Variants in KIAA1755 observed in about 807,000 individuals in gnomAD.
The protein encoded by KIAA1755 is KIAA1755, also known as uncharacterized protein KIAA1755.
KIAA1755 carries 68 observed loss-of-function variants against 91.7 expected under a neutral mutation model. The observed-to-expected ratio is 0.74, with a 90% CI of 0.61 to 0.91. KIAA1755 has a LOEUF of 0.91. Ranked by LOEUF, KIAA1755 falls within the 40% of genes least tolerant of loss-of-function variation. The probability of loss-of-function intolerance (pLI) is 0.00; values close to 1 mark genes in which losing one functional copy is unlikely to be tolerated. For missense variants in KIAA1755, 1,535 were observed against 1,494.4 expected (o/e 1.03, Z -0.45); for synonymous variants, 610 against 604.6 (o/e 1.01, Z -0.13).
At chr20:38,257,597 A>C (rs941442681) in intron 1 of KIAA1755, among the ~76,000 whole-genome samples, 1 of 151,868 alleles carries the variant, frequency 6.6e-6, no homozygotes, top group African/African-American at 2.4e-5. Flanking sequence ...AAAAAAAAAA[A>C]AAAACCTGAA....
At chr20:38,242,104 C>A (rs1230778326) in intron 2 of KIAA1755, among the ~76,000 whole-genome samples, 175 bp from the exon 3 acceptor site, 1 of 152,226 alleles carries the variant, frequency 6.6e-6, no homozygotes, top group East Asian at 1.9e-4. Context: ...CTGCCCCACC[C>A]TCGTCCTGGC....
rs1474165040 is a variant in KIAA1755 at position 38,225,843 on chromosome 20, C to T, written c.2053-62G>A. ...AGTGAGGACAGTCATTTTAGAAGGT[C>T]CTGCCCAGATCCCTGCCCCAGCACC... On this transcript the variant is annotated intron_variant, in intron 7 of 13. Coordinates refer to ENST00000279024, the MANE Select transcript of KIAA1755 (RefSeq NM_001029864.2). The T allele has an allele frequency of 3.6e-5, 35 of 983,780 alleles. No individual in the cohort carries two copies. The East Asian group carries it at 8.6e-4, about 24-fold the overall frequency. The allele number at this position is 983,780 out of a possible 1,614,324, so 60.9% of individuals were successfully genotyped here. A position where few individuals can be genotyped will look rare whatever the true frequency, so the allele number is the denominator to read the frequency against.
chr20:38,249,564 C>T (rs2123299438), intron 1 of KIAA1755, among the ~76,000 whole-genome samples: 1 of 152,282 alleles, frequency 6.6e-6, no homozygotes, highest in East Asian at 1.9e-4. Flanking sequence ...CAGGGGACCG[C>T]CATCACTATT....
At position 38,213,221 on chromosome 20, in the gene KIAA1755, A is replaced by C. The variant is rs776489100; in HGVS notation, c.3424T>G (p.Ser1142Ala). The C allele has an allele frequency of 2.2e-4, 348 of 1,613,026 alleles. No homozygotes were observed. Among genetic ancestry groups the C allele is most frequent in the Non-Finnish European group, 2.9e-4 (337 of 1,179,992 alleles). Residue 1142 changes from serine (S) to alanine (A), a missense_variant, in exon 14 of 14, where the codon TCC becomes GCC. Coordinates refer to ENST00000279024, the MANE Select transcript of KIAA1755 (RefSeq NM_001029864.2). ...QAAEAEDGKG[S>A]HKLPDPAREH... Reference sequence around the variant, plus strand: ...CGGGCAGGGTCAGGCAGCTTGTGGGAGCCTTTGCCGTCTTCAGCCTCTGCA... The same window carrying C: ...CGGGCAGGGTCAGGCAGCTTGTGGGCGCCTTTGCCGTCTTCAGCCTCTGCA...
chr20:38,213,709 A>G lies in KIAA1755; in HGVS notation c.2936T>C (p.Met979Thr), dbSNP rs933544689. ...TWFHMDCQDL[M>T]AQLRLDKTSR... is the part of the protein sequence containing the mutation. ...GGTCTTGTCCAGCCTGAGCTGGGCC[A>G]TCAGGTCCTGACAGTCCATGTGGAA... Residue 979 changes from methionine (M) to threonine (T), a missense_variant, in exon 14 of 14, where the codon ATG becomes ACG. Met to Thr is a moderately conservative substitution (Grantham distance 81, BLOSUM62 -1). Coordinates refer to ENST00000279024, the MANE Select transcript of KIAA1755 (RefSeq NM_001029864.2). 1.3e-6 allele frequency: 2 copies of G among 1,522,120 alleles called. No individual in the cohort carries two copies. The highest frequency in any genetic ancestry group is 1.8e-6 in the Non-Finnish European group (2 of 1,134,900). 94.3% of individuals were successfully genotyped at this position (1,522,120 alleles called of 1,614,324 possible).
rs1188308556 is a variant in KIAA1755 at position 38,240,723 on chromosome 20, C to A, written c.1408G>T (p.Gly470Trp). 2 of 1,568,958 alleles carry A rather than the reference C, an allele frequency of 1.3e-6. No individual in the cohort carries two copies. The highest frequency in any genetic ancestry group is 1.7e-6 in the Non-Finnish European group (2 of 1,158,420). ...NTSSPEPPTP[G>W]LKFSFLRGQR... Reference sequence around the variant, plus strand: ...CCTCTCAAGAATGAGAATTTGAGCCCAGGAGTGGGGGGCTCAGGGGAGGAG... The same window carrying A: ...CCTCTCAAGAATGAGAATTTGAGCCAAGGAGTGGGGGGCTCAGGGGAGGAG... Residue 470 changes from glycine (G) to tryptophan (W), a missense_variant, in exon 3 of 14, where the codon GGG becomes TGG. Transcript: ENST00000279024.
intron 10 of KIAA1755, among the ~76,000 whole-genome samples, chr20:38,221,733 AAAGCTC>A (rs2123093634): frequency 6.6e-6 from 1 of 152,356 alleles, no homozygotes; most frequent in African/African-American, 2.4e-5. Flanking sequence ...AATGTTCTTA[AAAGCTC>A]ATGCATACCA....
In KIAA1755 at chr20:38,260,564, C is replaced by T. The variant is rs766242489; in HGVS notation, c.-64G>A. Reference sequence around the variant, plus strand: ...CCTGGGCGCGGGGTCTGTGGGTCCGCGGGTCCGTCTGTCTGGGGCAGCCCT... The same window carrying T: ...CCTGGGCGCGGGGTCTGTGGGTCCGTGGGTCCGTCTGTCTGGGGCAGCCCT... On this transcript the variant is annotated 5_prime_UTR_variant, in exon 1 of 14. Coordinates refer to ENST00000279024, the MANE Select transcript of KIAA1755 (RefSeq NM_001029864.2). 40 of 1,476,674 alleles carry T rather than the reference C, an allele frequency of 2.7e-5. No individual in the cohort carries two copies. Among genetic ancestry groups the T allele is most frequent in the Non-Finnish European group, 3.5e-5 (39 of 1,116,862 alleles). 91.5% of individuals were successfully genotyped at this position (1,476,674 alleles called of 1,614,324 possible). A position where few individuals can be genotyped will look rare whatever the true frequency, so the allele number is the denominator to read the frequency against.
chr20:38,241,883 CAG>C lies in KIAA1755; in HGVS notation c.246_247del (p.Cys83SerfsTer4). 1 of 1,613,832 alleles carries C rather than the reference CAG, an allele frequency of 6.2e-7. No homozygotes were observed. Among genetic ancestry groups the C allele is most frequent in the South Asian group, 1.1e-5 (1 of 91,066 alleles). ...GTGGACCACAACTTCATCCCTCAGA[CAG>C]AGTGGCCAGCCCTCGTGTAAGAAGA... is the stretch of plus-strand genomic sequence containing the variant. On this transcript the variant is annotated frameshift_variant, in exon 3 of 14. Transcript: ENST00000279024. LOFTEE classifies it high-confidence loss of function.
intron 9 of KIAA1755, chr20:38,222,859 T>A (rs2075687188): frequency 1.8e-6 from 1 of 563,584 alleles, no homozygotes; most frequent in Non-Finnish European, 3.2e-6. Flanking sequence ...GCCCTCTGGC[T>A]CCCCCTACAG....
At position 38,260,518 on chromosome 20, in the gene KIAA1755, G is replaced by T; in HGVS notation, c.-18C>A. 6.7e-7 allele frequency: 1 copy of T among 1,481,486 alleles called. No homozygotes were observed. Among genetic ancestry groups the T allele is most frequent in the Non-Finnish European group, 8.9e-7 (1 of 1,118,400 alleles). 91.8% of individuals were successfully genotyped at this position (1,481,486 alleles called of 1,614,324 possible). A position where few individuals can be genotyped will look rare whatever the true frequency, so the allele number is the denominator to read the frequency against. ...GTTACCATGGTGACGGGCTGCCAGCGGCGGGCGGCGCGGCTCCTCTCCTGG... is the reference window on the plus strand; with the variant it reads ...GTTACCATGGTGACGGGCTGCCAGCTGCGGGCGGCGCGGCTCCTCTCCTGG... On this transcript the variant is annotated 5_prime_UTR_variant, in exon 1 of 14. Transcript: ENST00000279024.
intron 9 of KIAA1755, 36 bp from the exon 10 acceptor site, chr20:38,222,633 CCA>C (rs1441699074): frequency 6.2e-7 from 1 of 1,604,982 alleles, no homozygotes; most frequent in East Asian, 2.2e-5. Flanking sequence ...GGCCCCATCC[CCA>C]CTCTCCCTCT....
At chr20:38,218,147 C>T (rs1333257218) in intron 12 of KIAA1755, 97 bp downstream of exon 12, 4 of 1,527,962 alleles carry the variant, frequency 2.6e-6, no homozygotes, top group Non-Finnish European at 3.6e-6. Context: ...ACTTTTCTTG[C>T]TCTTTCCCAC....
intron 11 of KIAA1755, 96 bp downstream of exon 11, chr20:38,219,534 C>T: frequency 6.6e-7 from 1 of 1,518,944 alleles, no homozygotes; most frequent in Admixed American, 1.9e-5. Flanking sequence ...TTCTCCAGAA[C>T]AAAGCACCTG....
In KIAA1755 at chr20:38,245,790, G is replaced by A. The variant is rs907009040; in HGVS notation, c.201+139C>T. On this transcript the variant is annotated intron_variant, in intron 2 of 13. Transcript: ENST00000279024. ...TGATGTCTCCCCCTGGGCAAGCAAT[G>A]ATACTTGGAAAGTCCCCCCACACCC... The A allele has an allele frequency of 2.2e-5, 16 of 718,990 alleles. No individual in the cohort carries two copies. In the Admixed American group the frequency reaches 2.2e-4, roughly 10 times the overall value. The allele number at this position is 718,990 out of a possible 1,614,324, so 44.5% of individuals were successfully genotyped here.
intron 13 of KIAA1755, 87 bp downstream of exon 13, chr20:38,217,166 T>C: frequency 8.4e-7 from 1 of 1,191,148 alleles, no homozygotes; most frequent in Non-Finnish European, 1.2e-6. Flanking sequence ...AGTCAGGCCA[T>C]GGGGCTGTGT....
chr20:38,219,869 C>T (rs984295954), intron 10 of KIAA1755, 101 bp from the exon 11 acceptor site: 12 of 1,467,926 alleles, frequency 8.2e-6, no homozygotes, highest in Admixed American at 6.0e-5. Context: ...GTGGCCCCAG[C>T]CTGGGTTTCC....
chr20:38,257,314 C>T (rs2076355058), intron 1 of KIAA1755, among the ~76,000 whole-genome samples: 1 of 152,138 alleles, frequency 6.6e-6, no homozygotes, highest in South Asian at 2.1e-4. Context: ...AGGGTGGTGG[C>T]TCATGCCTGT....
intron 4 of KIAA1755, among the ~76,000 whole-genome samples, chr20:38,232,034 G>C (rs1358452171): frequency 2.0e-5 from 3 of 152,226 alleles, no homozygotes; most frequent in Admixed American, 6.5e-5. Flanking sequence ...ATCCTCATGG[G>C]GAGGAAAGGG....
Sources: allele counts gnomAD v4.1 joint callset (sites outside exome capture counted in the v4.1 genomes callset), GRCh38; gene constraint gnomAD v4.1.1; transcripts MANE v1.5; gene names NCBI Gene and HGNC (gene_info 2026-07-23, HGNC 2026-07-21).